The following XYLT1 variants were observed in gnomAD, a reference collection of about 807,000 sequenced individuals.
XYLT1 encodes beta-D-xylosyltransferase 1.
XYLT1 carries 36 observed loss-of-function variants against 91.3 expected under a neutral mutation model. That is an observed-to-expected ratio of 0.39 (90% CI 0.30 to 0.52). XYLT1 has a LOEUF of 0.52. XYLT1 is among the 20% of genes least tolerant of loss of function. The pLI is 0.68. For missense variants in XYLT1, 1,242 were observed against 1,284.5 expected, an observed-to-expected ratio of 0.97 and a Z score of 0.51; for synonymous variants, 588 against 532.0, an observed-to-expected ratio of 1.11 and a Z score of -1.45.
At chr16:17,305,975 T>C (rs918653249) in intron 2 of XYLT1, among the ~76,000 whole-genome samples, 3 of 152,106 alleles carry the variant, frequency 2.0e-5, no homozygotes, top group South Asian at 2.1e-4. Context: ...GAAGGGACAG[T>C]ACCCTCTGAG....
chr16:17,195,320 T>A (rs1567317487), intron 5 of XYLT1, among the ~76,000 whole-genome samples: 1 of 152,150 alleles, frequency 6.6e-6, no homozygotes, highest in Non-Finnish European at 1.5e-5. Flanking sequence ...TCCCTCCCAA[T>A]GGATCCCTTC....
At chr16:17,122,889 T>C (rs2030124034) in intron 10 of XYLT1, among the ~76,000 whole-genome samples, 1 of 152,162 alleles carries the variant, frequency 6.6e-6, no homozygotes, top group South Asian at 2.1e-4. Flanking sequence ...GATCAGTAAG[T>C]ATTTGGCTTT....
At chr16:17,291,167 C>T (rs1187740073) in intron 2 of XYLT1, among the ~76,000 whole-genome samples, 1 of 152,154 alleles carries the variant, frequency 6.6e-6, no homozygotes, top group Non-Finnish European at 1.5e-5. Flanking sequence ...AGCTAACTGG[C>T]TATTTATGAC....
At chr16:17,207,110 T>G (rs1394470405) in intron 3 of XYLT1, among the ~76,000 whole-genome samples, 1 of 144,004 alleles carries the variant, frequency 6.9e-6, no homozygotes, top group East Asian at 2.0e-4. Flanking sequence ...TAGGCTGGAG[T>G]GCAATGGTGC....
chr16:17,468,901 CATTT>C, intron 1 of XYLT1, among the ~76,000 whole-genome samples: 1 of 152,184 alleles, frequency 6.6e-6, no homozygotes, highest in African/African-American at 2.4e-5. Context: ...CTTCTAATTG[CATTT>C]CTGCGGGAAC....
intron 3 of XYLT1, among the ~76,000 whole-genome samples, chr16:17,213,584 C>T (rs1437191762): frequency 3.3e-5 from 5 of 152,138 alleles, no homozygotes; most frequent in Admixed American, 2.6e-4. Context: ...GACTTTTAAC[C>T]CCTGAGCTTC....
At chr16:17,201,852 T>C (rs2032550446) in intron 3 of XYLT1, among the ~76,000 whole-genome samples, 1 of 152,114 alleles carries the variant, frequency 6.6e-6, no homozygotes, top group African/African-American at 2.4e-5. Context: ...AGAGGTTGCC[T>C]GAGAAGAAAA....
At chr16:17,130,216 G>C (rs922006070) in intron 9 of XYLT1, among the ~76,000 whole-genome samples, 1 of 152,254 alleles carries the variant, frequency 6.6e-6, no homozygotes, top group African/African-American at 2.4e-5. Flanking sequence ...GGGGAGCAAG[G>C]CCTGCCCATA....
At chr16:17,238,128 A>G (rs917003201) in intron 3 of XYLT1, among the ~76,000 whole-genome samples, 5 of 152,200 alleles carry the variant, frequency 3.3e-5, no homozygotes, top group East Asian at 3.8e-4. Context: ...CTAAAAGTCA[A>G]CTGAAACCCT....
chr16:17,354,547 T>C (rs2035267461), intron 2 of XYLT1: 1 of 152,202 alleles, frequency 6.6e-6, no homozygotes, highest in Non-Finnish European at 1.5e-5. Context: ...TGATGCATTG[T>C]GCAAGGACAC....
At chr16:17,177,929 G>A (rs1350643986) in intron 5 of XYLT1, among the ~76,000 whole-genome samples, 1 of 152,238 alleles carries the variant, frequency 6.6e-6, no homozygotes, top group Non-Finnish European at 1.5e-5. Flanking sequence ...TAGCGGGGGA[G>A]CAGAAACTTG....
chr16:17,218,853 CAA>C (rs2032909010), intron 3 of XYLT1, among the ~76,000 whole-genome samples: 1 of 152,198 alleles, frequency 6.6e-6, no homozygotes, highest in South Asian at 2.1e-4. Flanking sequence ...TGTGCCAGCA[CAA>C]AGTCATTTGT....
At chr16:17,260,032 ATTTTT>A (rs34476832) in intron 2 of XYLT1, among the ~76,000 whole-genome samples, 1 of 142,498 alleles carries the variant, frequency 7.0e-6, no homozygotes, top group Non-Finnish European at 1.6e-5. Context: ...ACCAGCCGCA[ATTTTT>A]TTTTTTTTTT....
intron 1 of XYLT1, among the ~76,000 whole-genome samples, chr16:17,457,379 T>G (rs2036758618): frequency 6.6e-6 from 1 of 152,210 alleles, no homozygotes; most frequent in Admixed American, 6.5e-5. Flanking sequence ...AACAGTCAGT[T>G]TCCTCCAAAT....
intron 5 of XYLT1, among the ~76,000 whole-genome samples, chr16:17,161,012 T>C (rs1455360091): frequency 3.3e-5 from 5 of 151,990 alleles, no homozygotes; most frequent in African/African-American, 1.2e-4. Context: ...TCCCCGGCAG[T>C]TGGAATAATA....
At chr16:17,325,798 G>A (rs1057138342) in intron 2 of XYLT1, among the ~76,000 whole-genome samples, 1 of 152,164 alleles carries the variant, frequency 6.6e-6, no homozygotes. Context: ...TGTGTACTGG[G>A]AGAAAGAGGA....
intron 3 of XYLT1, among the ~76,000 whole-genome samples, chr16:17,246,698 C>A (rs1479426750): frequency 1.3e-5 from 2 of 152,208 alleles, no homozygotes; most frequent in African/African-American, 4.8e-5. Context: ...CCACACCTGG[C>A]ATTCAGGAAG....
chr16:17,416,622 G>A (rs534909148), intron 1 of XYLT1, among the ~76,000 whole-genome samples: 9 of 152,258 alleles, frequency 5.9e-5, no homozygotes, highest in Admixed American at 2.0e-4. Context: ...GAGGAGCTGC[G>A]GCTCCTGCTG....
chr16:17,168,456 G>A (rs1197559428), intron 5 of XYLT1, among the ~76,000 whole-genome samples: 1 of 152,030 alleles, frequency 6.6e-6, no homozygotes, highest in African/African-American at 2.4e-5. Context: ...GAGGAGGAGG[G>A]CAAAGGCTGA....
Sources: allele counts gnomAD v4.1 joint callset (sites outside exome capture counted in the v4.1 genomes callset), GRCh38; gene constraint gnomAD v4.1.1; transcripts MANE v1.5; gene names NCBI Gene and HGNC (gene_info 2026-07-23, HGNC 2026-07-21).